Variants in NCOA2 observed in about 807,000 individuals in gnomAD.
The protein encoded by NCOA2 is nuclear receptor coactivator 2.
A neutral mutation model predicts 145.1 loss-of-function variants in NCOA2; 21 were observed. The ratio of observed to expected loss-of-function variants is 0.14; its 90% CI spans 0.10 to 0.21. The LOEUF is 0.21. NCOA2 is among the 10% of genes least tolerant of loss of function. The probability of loss-of-function intolerance (pLI) is 1.00; values close to 1 mark genes in which losing one functional copy is unlikely to be tolerated. For missense variants in NCOA2, 1,472 were observed against 1,837.6 expected, an observed-to-expected ratio of 0.80 and a Z score of 3.64; for synonymous variants, 619 against 637.5, an observed-to-expected ratio of 0.97 and a Z score of 0.44.
At chr8:70,239,960 A>G (rs1478572934) in intron 2 of NCOA2, among the ~76,000 whole-genome samples, 1 of 152,196 alleles carries the variant, frequency 6.6e-6, no homozygotes, top group Non-Finnish European at 1.5e-5. Context: ...CAACAAGTTC[A>G]TGATTCTCCA....
At chr8:70,149,012 G>A (rs1811436251) in intron 11 of NCOA2, among the ~76,000 whole-genome samples, 1 of 151,720 alleles carries the variant, frequency 6.6e-6, no homozygotes, top group African/African-American at 2.4e-5. Flanking sequence ...CACAGGGGTG[G>A]GGAGAGAGAA....
At chr8:70,322,224 A>C (rs1159563880) in intron 1 of NCOA2, among the ~76,000 whole-genome samples, 1 of 152,080 alleles carries the variant, frequency 6.6e-6, no homozygotes, top group African/African-American at 2.4e-5. Context: ...TACACTAATA[A>C]CTTATAGCTT....
intron 1 of NCOA2, among the ~76,000 whole-genome samples, chr8:70,342,059 T>C (rs1227136302): frequency 6.6e-6 from 1 of 152,202 alleles, no homozygotes; most frequent in Non-Finnish European, 1.5e-5. Flanking sequence ...ATTTTTAAAA[T>C]TTGTTATCTG....
chr8:70,422,268 G>A, the NCOA2 span, among the ~76,000 whole-genome samples: 2 of 152,168 alleles, frequency 1.3e-5, no homozygotes, highest in Non-Finnish European at 2.9e-5. Flanking sequence ...CTCTAAGAGA[G>A]TAAAGAATGT....
At chr8:70,402,095 A>G (rs1021409142) in intron 1 of NCOA2, 2 of 151,948 alleles carry the variant, frequency 1.3e-5, no homozygotes, top group Non-Finnish European at 2.9e-5. Flanking sequence ...CCCCGCATGC[A>G]ACTCTGCTCT....
At chr8:70,228,527 T>C (rs1449473697) in intron 2 of NCOA2, among the ~76,000 whole-genome samples, 1 of 152,108 alleles carries the variant, frequency 6.6e-6, no homozygotes, top group Admixed American at 6.5e-5. Flanking sequence ...AGCTTCTAGT[T>C]ATCCCTTGAG....
At chr8:70,224,633 C>A (rs1401777752) in intron 2 of NCOA2, among the ~76,000 whole-genome samples, 2 of 152,086 alleles carry the variant, frequency 1.3e-5, no homozygotes, top group African/African-American at 4.8e-5. Flanking sequence ...GATTTTTTCC[C>A]AGTCTATTAG....
intron 2 of NCOA2, among the ~76,000 whole-genome samples, chr8:70,289,892 C>T (rs561314350): frequency 1.2e-4 from 19 of 152,006 alleles, no homozygotes; most frequent in African/African-American, 4.1e-4. Flanking sequence ...TGGCTATTCA[C>T]AGGTAATCAG....
At chr8:70,192,187 T>G (rs1816767250) in intron 4 of NCOA2, among the ~76,000 whole-genome samples, 1 of 152,238 alleles carries the variant, frequency 6.6e-6, no homozygotes, top group African/African-American at 2.4e-5. Context: ...TTTTTAAGAT[T>G]TGCTGAAAGT....
intron 4 of NCOA2, among the ~76,000 whole-genome samples, chr8:70,179,505 T>A (rs1815240945): frequency 6.6e-6 from 1 of 152,196 alleles, no homozygotes; most frequent in South Asian, 2.1e-4. Context: ...ACTGGTATCT[T>A]GACAGAGCAT....
chr8:70,297,282 T>C (rs181341446), intron 1 of NCOA2, among the ~76,000 whole-genome samples: 109 of 152,358 alleles, frequency 7.2e-4, no homozygotes, highest in Admixed American at 4.1e-3. Context: ...TTTACCTATA[T>C]GGAACCAAAA....
chr8:70,318,171 T>C (rs932769657), intron 1 of NCOA2, among the ~76,000 whole-genome samples: 1 of 152,180 alleles, frequency 6.6e-6, no homozygotes, highest in Non-Finnish European at 1.5e-5. Flanking sequence ...GCAGTCATAA[T>C]GCTTAATCAG....
rs569731578 is a variant in NCOA2 at position 70,119,074 on chromosome 8, C to T, written c.4383+2228G>A. The stretch of plus-strand genomic sequence containing the variant: ...CATTACATAATGCATAGTGAGGGAT[C>T]AAGACAGGGTTTTAGGGTGTCCATT... On this transcript the variant is annotated intron_variant, in intron 22 of 22. Transcript: ENST00000452400. 3.9e-5 allele frequency among the ~76,000 whole-genome samples: 6 copies of T among 152,166 alleles called. No individual in the cohort carries two copies. The East Asian group carries it at 1.2e-3, about 29-fold the overall frequency.
chr8:70,413,827 T>C, the NCOA2 span, among the ~76,000 whole-genome samples: 1 of 152,208 alleles, frequency 6.6e-6, no homozygotes, highest in Non-Finnish European at 1.5e-5. Context: ...GCCCCTGGGT[T>C]GTTTGTTTTG....
intron 1 of NCOA2, among the ~76,000 whole-genome samples, chr8:70,371,317 A>G (rs2131254730): frequency 6.6e-6 from 1 of 152,200 alleles, no homozygotes; most frequent in East Asian, 1.9e-4. Context: ...ATAAAAATAA[A>G]GGTAACCACA....
chr8:70,167,934 G>T (rs568201158), intron 6 of NCOA2, among the ~76,000 whole-genome samples: 1 of 152,210 alleles, frequency 6.6e-6, no homozygotes, highest in Non-Finnish European at 1.5e-5. Context: ...AGAAAAGTTG[G>T]AATCAGAATC....
In NCOA2 at chr8:70,166,605, C is replaced by T. The variant is rs755448850; in HGVS notation, c.691G>A (p.Ala231Thr). 2.4e-5 allele frequency: 39 copies of T among 1,613,852 alleles called. No homozygotes were observed. The highest frequency in any genetic ancestry group is 3.3e-5 in the Non-Finnish European group (39 of 1,179,884). ...TTGATGGACTTTGGTTGAGAGACAGCGAAGCACTGCATAGTTTCATATTTC... is the reference window on the plus strand; with the variant it reads ...TTGATGGACTTTGGTTGAGAGACAGTGAAGCACTGCATAGTTTCATATTTC... ...HQKYETMQCF[A>T]VSQPKSIKEE... Residue 231 changes from alanine to threonine, a missense_variant, in exon 7 of 23, where the codon GCT becomes ACT. By Grantham distance (58) the Ala-to-Thr change is moderately conservative. Transcript: ENST00000452400.
chr8:70,393,166 T>C (rs1813354218), intron 1 of NCOA2, among the ~76,000 whole-genome samples: 1 of 152,146 alleles, frequency 6.6e-6, no homozygotes, highest in South Asian at 2.1e-4. Context: ...ACCTACTCTT[T>C]ATCTGATCTT....
chr8:70,439,611 A>C, the NCOA2 span, among the ~76,000 whole-genome samples: 1,455 of 152,352 alleles, frequency 9.6e-3, 139 homozygotes, highest in East Asian at 0.2. Context: ...GAGAAGGAAG[A>C]TCTAATACGT....
Sources: gnomAD v4.1 joint callset for allele counts (sites outside exome capture counted in the v4.1 genomes callset) on GRCh38, gnomAD v4.1.1 for gene constraint, MANE v1.5 for transcripts, NCBI Gene and HGNC (gene_info 2026-07-23, HGNC 2026-07-21) for gene names.